Variants in LAMB1 observed in about 807,000 individuals in gnomAD.
LAMB1 encodes laminin subunit beta 1.
A neutral mutation model predicts 222.3 loss-of-function variants in LAMB1; 121 were observed. That is an observed-to-expected ratio of 0.54 (90% CI 0.47 to 0.63). LAMB1 has a LOEUF of 0.63. Ranked by LOEUF, LAMB1 falls within the 30% of genes least tolerant of loss-of-function variation. The pLI is 0.00. For missense variants in LAMB1, 2,172 were observed against 2,240.8 expected, an observed-to-expected ratio of 0.97 and a Z score of 0.62; for synonymous variants, 794 against 807.2, an observed-to-expected ratio of 0.98 and a Z score of 0.28.
In LAMB1 at chr7:107,986,357, G is replaced by A. The variant is rs895738459; in HGVS notation, c.430C>T (p.Arg144Cys). ...CGTTCTATCAGCATAGCAGCTGGAC[G>A]GAATGTCTAAAGGCAGGAGCAAAAA... is the stretch of plus-strand genomic sequence containing the variant. ...THLIMTFKTF[R>C]PAAMLIERSS... Residue 144 changes from arginine (R) to cysteine (C), a missense_variant, in exon 6 of 34, where the codon CGT becomes TGT. By Grantham distance (180) the Arg-to-Cys change is radical (BLOSUM62 -3). Transcript: ENST00000222399. 1.9e-6 allele frequency: 3 copies of A among 1,586,530 alleles called. No individual in the cohort carries two copies. The highest frequency in any genetic ancestry group is 1.1e-5 in the South Asian group (1 of 87,584).
chr7:107,929,970 C>T (rs1004151565), intron 29 of LAMB1: 10 of 313,322 alleles, frequency 3.2e-5, no homozygotes, highest in East Asian at 2.4e-4. Context: ...GAGTATGTTA[C>T]GGGAAAGTAT....
At chr7:107,991,081 AT>A (rs921901050) in intron 5 of LAMB1, among the ~76,000 whole-genome samples, 21 of 151,978 alleles carry the variant, frequency 1.4e-4, no homozygotes, top group African/African-American at 5.1e-4. Context: ...TTTGGTATTA[AT>A]TTTTTTTAAA....
chr7:107,969,373 T>C (rs1027099073), intron 13 of LAMB1, among the ~76,000 whole-genome samples: 1 of 150,588 alleles, frequency 6.6e-6, no homozygotes, highest in Non-Finnish European at 1.5e-5. Context: ...ATAAAGAAAA[T>C]GGAATTTTAA....
chr7:107,936,399 A>G (rs1225265604), intron 26 of LAMB1: 1 of 152,234 alleles, frequency 6.6e-6, no homozygotes, highest in African/African-American at 2.4e-5. Context: ...AAAGAGAGAG[A>G]GAGAAAAAGA....
In LAMB1 at chr7:107,926,192, ATCT is replaced by A. The variant is rs1343943405; in HGVS notation, c.5052_5054del (p.Glu1684del). ...ACAAAGATTTACGTACCTTCTTAAC[ATCT>A]TCTGCACTTTGCTTCACAGTATATA... On this transcript the variant is annotated inframe_deletion, in exon 32 of 34. Transcript: ENST00000222399. 2 of 1,612,944 alleles carry A rather than the reference ATCT, an allele frequency of 1.2e-6. No homozygotes were observed. The highest frequency in any genetic ancestry group is 1.7e-6 in the Non-Finnish European group (2 of 1,179,210).
intron 31 of LAMB1, among the ~76,000 whole-genome samples, chr7:107,926,807 C>A (rs1184784550): frequency 6.6e-6 from 1 of 152,042 alleles, no homozygotes; most frequent in Non-Finnish European, 1.5e-5. Flanking sequence ...GAGATTTCAG[C>A]TAATTACTGA....
At chr7:107,958,128 T>G (rs1223828469) in intron 20 of LAMB1, among the ~76,000 whole-genome samples, 1 of 152,200 alleles carries the variant, frequency 6.6e-6, no homozygotes, top group Non-Finnish European at 1.5e-5. Flanking sequence ...TTCTCATATC[T>G]TTCTCTCGTA....
At chr7:107,935,368 T>G in intron 27 of LAMB1, 47 bp downstream of exon 27, 1 of 1,145,066 alleles carries the variant, frequency 8.7e-7, no homozygotes, top group East Asian at 3.2e-5. Flanking sequence ...TTTTTTTTTT[T>G]TTTTTGCTTG....
At chr7:107,988,683 TA>T (rs947960533) in intron 5 of LAMB1, among the ~76,000 whole-genome samples, 1 of 152,124 alleles carries the variant, frequency 6.6e-6, no homozygotes, top group Non-Finnish European at 1.5e-5. Flanking sequence ...AAGAGGTGAT[TA>T]AGGTTAAATG....
chr7:107,991,280 C>T (rs2034176387), intron 5 of LAMB1, among the ~76,000 whole-genome samples: 1 of 152,098 alleles, frequency 6.6e-6, no homozygotes, highest in Non-Finnish European at 1.5e-5. Flanking sequence ...TCATTCATTT[C>T]TTATTAAAAA....
intron 24 of LAMB1, among the ~76,000 whole-genome samples, chr7:107,946,339 C>A (rs1001314078): frequency 4.6e-5 from 7 of 152,144 alleles, no homozygotes; most frequent in African/African-American, 1.7e-4. Context: ...AATATAGGTT[C>A]AATTTTGGAA....
chr7:107,963,221 TTC>T (rs1425477084), intron 14 of LAMB1, among the ~76,000 whole-genome samples, 158 bp from the exon 15 acceptor site: 28 of 152,244 alleles, frequency 1.8e-4, no homozygotes, highest in Non-Finnish European at 2.6e-4. Context: ...TGTAAAAAGT[TTC>T]TGATATCCAA....
intron 5 of LAMB1, among the ~76,000 whole-genome samples, chr7:107,994,643 A>G (rs1483614682): frequency 2.0e-5 from 3 of 152,220 alleles, no homozygotes; most frequent in Non-Finnish European, 4.4e-5. Flanking sequence ...AAGATACCTA[A>G]TTAAAAGTTT....
At chr7:107,966,152 A>G (rs1486560032) in intron 13 of LAMB1, among the ~76,000 whole-genome samples, 1 of 152,118 alleles carries the variant, frequency 6.6e-6, no homozygotes, top group African/African-American at 2.4e-5. Flanking sequence ...AGCATAGCTG[A>G]AGTCCTCTTT....
intron 7 of LAMB1, among the ~76,000 whole-genome samples, chr7:107,984,300 G>A (rs1288721533): frequency 6.6e-6 from 1 of 152,190 alleles, no homozygotes; most frequent in African/African-American, 2.4e-5. Context: ...CCAGGCTGGA[G>A]TGCAGTGGCA....
chr7:107,958,476 A>G (rs1282894815), intron 20 of LAMB1, among the ~76,000 whole-genome samples: 3 of 152,240 alleles, frequency 2.0e-5, no homozygotes, highest in South Asian at 4.1e-4. Context: ...CACTTGCTGC[A>G]ATGTTTCACA....
intron 20 of LAMB1, 100 bp downstream of exon 20, chr7:107,959,149 C>G: frequency 1.1e-6 from 1 of 893,672 alleles, no homozygotes; most frequent in Non-Finnish European, 1.8e-6. Context: ...AATGAATGAG[C>G]GAGCTGAAGC....
At chr7:107,928,086 A>G (rs986899910) in intron 31 of LAMB1, among the ~76,000 whole-genome samples, 4 of 152,236 alleles carry the variant, frequency 2.6e-5, no homozygotes, top group Non-Finnish European at 5.9e-5. Flanking sequence ...TTTCTGAGAA[A>G]CAAAAGAATT....
chr7:107,971,138 A>G (rs546058054), intron 13 of LAMB1, among the ~76,000 whole-genome samples: 2 of 152,326 alleles, frequency 1.3e-5, no homozygotes, highest in Admixed American at 6.5e-5. Context: ...TATACAAAAC[A>G]TCTTAAAGCT....
Sources: gnomAD v4.1 joint callset for allele counts (sites outside exome capture counted in the v4.1 genomes callset) on GRCh38, gnomAD v4.1.1 for gene constraint, MANE v1.5 for transcripts, NCBI Gene and HGNC (gene_info 2026-07-23, HGNC 2026-07-21) for gene names.